RASSF3: variants seen among roughly 807,000 people sequenced by gnomAD.
RASSF3 encodes the protein ras association domain-containing protein 3.
A neutral mutation model predicts 19.9 loss-of-function variants in RASSF3; 19 were observed. That is an observed-to-expected ratio of 0.96 (90% CI 0.67 to 1.40). The LOEUF (loss-of-function observed/expected upper bound fraction) is 1.40, where lower values mean the gene tolerates loss of function less well. RASSF3 is among the 40% of genes most tolerant of loss of function. The pLI, the probability that RASSF3 is intolerant of heterozygous loss-of-function variation, is 0.00. For synonymous variants in RASSF3, 110 were observed against 104.2 expected, an observed-to-expected ratio of 1.06 and a Z score of -0.34; for missense variants, 306 against 289.8, an observed-to-expected ratio of 1.06 and a Z score of -0.41.
chr12:64,555,198 C>T lies in RASSF3; in HGVS notation c.294+13493C>T, dbSNP rs550430461. 1.4e-4 allele frequency among the ~76,000 whole-genome samples: 21 copies of T among 151,638 alleles called. No homozygotes were observed. In the East Asian group the frequency reaches 3.1e-3, roughly 23 times the overall value. On this transcript the variant is annotated intron_variant, in intron 2 of 5. Coordinates refer to the RASSF3 transcript ENST00000637125. ...GATGGAGGTTACAGTGAGCCAAGATCGCACCACTGCACTCCAGTGGGTGAC... is the reference window on the plus strand; with the variant it reads ...GATGGAGGTTACAGTGAGCCAAGATTGCACCACTGCACTCCAGTGGGTGAC...
intron 1 of RASSF3, among the ~76,000 whole-genome samples, chr12:64,642,853 G>GTTTC (rs1197852711): frequency 1.3e-5 from 2 of 149,994 alleles, no homozygotes; most frequent in African/African-American, 4.9e-5. Context: ...CTTTGGGCAA[G>GTTTC]TTTCTTTCTT....
intron 1 of RASSF3, among the ~76,000 whole-genome samples, chr12:64,660,062 A>ATATGTG (rs137981564): frequency 6.7e-5 from 10 of 149,502 alleles, no homozygotes; most frequent in South Asian, 2.1e-4. Context: ...GTATATATAT[A>ATATGTG]TGTGTGTGTG....
At chr12:64,663,839 C>T (rs1872455116) in intron 1 of RASSF3, among the ~76,000 whole-genome samples, 1 of 106,474 alleles carries the variant, frequency 9.4e-6, no homozygotes. Flanking sequence ...TTTAGCCTTG[C>T]CTTTTTTTTT....
intron 1 of RASSF3, among the ~76,000 whole-genome samples, chr12:64,666,640 G>T (rs1227782409): frequency 6.6e-6 from 1 of 152,120 alleles, no homozygotes; most frequent in Non-Finnish European, 1.5e-5. Flanking sequence ...ACTTTACAAA[G>T]CAGTTTCCAG....
chr12:64,576,312 G>T (rs780839804), intron 2 of RASSF3, among the ~76,000 whole-genome samples: 3 of 151,940 alleles, frequency 2.0e-5, no homozygotes, highest in Non-Finnish European at 4.4e-5. Flanking sequence ...AAATCCTTCT[G>T]GAACGGTTGA....
chr12:64,578,984 G>A (rs1244783736), intron 2 of RASSF3, among the ~76,000 whole-genome samples: 1 of 152,066 alleles, frequency 6.6e-6, no homozygotes, highest in Admixed American at 6.6e-5. Flanking sequence ...AAAATTAGCT[G>A]GGTGTGGTGG....
chr12:64,641,419 C>CACACACACAGACACACAT (rs769330728), intron 1 of RASSF3, among the ~76,000 whole-genome samples: 1 of 150,664 alleles, frequency 6.6e-6, no homozygotes, highest in Admixed American at 6.6e-5. Flanking sequence ...CACACACGCG[C>CACACACACAGACACACAT]GCGCGCGCGT....
chr12:64,656,684 C>T (rs1872171212), intron 1 of RASSF3, among the ~76,000 whole-genome samples: 1 of 152,166 alleles, frequency 6.6e-6, no homozygotes, highest in East Asian at 1.9e-4. Context: ...AAAAATCACA[C>T]CAGGCTGAAG....
intron 1 of RASSF3, among the ~76,000 whole-genome samples, chr12:64,670,212 C>G (rs1405049361): frequency 1.3e-5 from 2 of 152,068 alleles, no homozygotes; most frequent in African/African-American, 4.8e-5. Context: ...TGTTTTGTGT[C>G]TAAAGCTATT....
chr12:64,556,312 C>T (rs561655046), intron 2 of RASSF3, among the ~76,000 whole-genome samples: 5 of 152,116 alleles, frequency 3.3e-5, no homozygotes, highest in African/African-American at 1.2e-4. Context: ...GCACACCACA[C>T]CCAGCTAATT....
chr12:64,587,180 G>A (rs979355104), intron 2 of RASSF3, among the ~76,000 whole-genome samples: 2 of 147,402 alleles, frequency 1.4e-5, no homozygotes, highest in African/African-American at 5.0e-5. Flanking sequence ...TCAGCCTCCC[G>A]AGTAGCTGGG....
chr12:64,573,007 T>C (rs766605384), intron 2 of RASSF3, among the ~76,000 whole-genome samples: 1 of 152,208 alleles, frequency 6.6e-6, no homozygotes, highest in Non-Finnish European at 1.5e-5. Context: ...AGCACTGGGA[T>C]TATAAGCATG....
At chr12:64,649,047 G>A (rs974045449) in intron 1 of RASSF3, among the ~76,000 whole-genome samples, 28 of 151,734 alleles carry the variant, frequency 1.8e-4, no homozygotes, top group African/African-American at 6.5e-4. Context: ...GGCCTCAAGC[G>A]ATCCTCCTGC....
At chr12:64,529,938 T>C (rs185900156), upstream of RASSF3, among the ~76,000 whole-genome samples, 546 of 152,318 alleles carry the variant, frequency 3.6e-3, 2 homozygotes, top group African/African-American at 0.012. Flanking sequence ...TTGCTAGTAC[T>C]ATGCTTTTAT....
chr12:64,587,118 A>C (rs1441126981), intron 2 of RASSF3, among the ~76,000 whole-genome samples: 1 of 40,046 alleles, frequency 2.5e-5, no homozygotes, highest in Non-Finnish European at 5.0e-5. Context: ...CAATGGTGCG[A>C]TCTTGGCTCA....
At chr12:64,670,523 G>C (rs895784699) in intron 1 of RASSF3, among the ~76,000 whole-genome samples, 5 of 150,192 alleles carry the variant, frequency 3.3e-5, no homozygotes, top group Admixed American at 6.6e-5. Context: ...TTGTCATACT[G>C]GATACGGTTT....
rs189819367 is a variant in RASSF3, at chr12:64,641,344, C to T, written c.111+30601C>T. 8.6e-5 allele frequency among the ~76,000 whole-genome samples: 13 copies of T among 150,804 alleles called. No homozygotes were observed. The East Asian group carries it at 2.3e-3, about 27-fold the overall frequency. On this transcript the variant is annotated intron_variant, in intron 1 of 4. Coordinates refer to ENST00000542104, the MANE Select transcript of RASSF3 (RefSeq NM_178169.4). ...CCAAGAGGTGGAGGTTGCAGTGAGC[C>T]GAGACCGTACCACTGCCTTCCAGCC...
At chr12:64,538,484 C>T (rs1331261722) in intron 1 of RASSF3, among the ~76,000 whole-genome samples, 1 of 152,154 alleles carries the variant, frequency 6.6e-6, no homozygotes, top group Admixed American at 6.5e-5. Flanking sequence ...AGTTTTTAGG[C>T]ATCTTTCAAA....
At chr12:64,668,338 G>T (rs1019967034) in intron 1 of RASSF3, among the ~76,000 whole-genome samples, 1 of 151,586 alleles carries the variant, frequency 6.6e-6, no homozygotes, top group Non-Finnish European at 1.5e-5. Flanking sequence ...GTGGAATGTG[G>T]CACAATCTCC....
Sources: gnomAD v4.1 joint callset for allele counts (sites outside exome capture counted in the v4.1 genomes callset) on GRCh38, gnomAD v4.1.1 for gene constraint, MANE v1.5 for transcripts, NCBI Gene and HGNC (gene_info 2026-07-23, HGNC 2026-07-21) for gene names.